Variants in TENM1 observed in about 807,000 individuals in gnomAD.
The protein encoded by TENM1 is teneurin-1.
Under a neutral mutation model 174.8 loss-of-function variants are expected in TENM1, and 35 were observed. The observed-to-expected ratio is 0.20, with a 90% CI of 0.15 to 0.27. The LOEUF (loss-of-function observed/expected upper bound fraction) is 0.27. TENM1 is among the 10% of genes least tolerant of loss of function. The pLI, the probability that TENM1 is intolerant of heterozygous loss-of-function variation, is 1.00. For missense variants in TENM1, 1,633 were observed against 2,130.1 expected, an observed-to-expected ratio of 0.77 and a Z score of 4.59; for synonymous variants, 781 against 798.7, an observed-to-expected ratio of 0.98 and a Z score of 0.37.
At position 124,783,725 on chromosome X, in the gene TENM1, T is replaced by A. The variant is rs2054972175; in HGVS notation, c.536-46528A>T. Among the ~76,000 whole-genome samples the A allele has an allele frequency of 2.7e-5, 3 of 111,743 alleles. 1 individual carries two copies. Among genetic ancestry groups the A allele is most frequent in the Non-Finnish European group, 3.8e-5 (2 of 53,056 alleles). ...ATTTCCAGTTTTTATTTATTTATTT[T>A]TTATTTTTTTAAACCAGAAGGTAGG... On this transcript the variant is annotated intron_variant, in intron 3 of 31. Coordinates refer to ENST00000422452, the Ensembl canonical transcript of TENM1.
At chrX:125,018,067 T>C in the TENM1 span, among the ~76,000 whole-genome samples, 1 of 111,925 alleles carries the variant, frequency 8.9e-6, no homozygotes, top group African/African-American at 3.2e-5. Flanking sequence ...ATTAGTTAAC[T>C]TTAAAATAGT....
rs1014946519 is a variant in TENM1 at position 124,742,210 on chromosome X, G to A, written c.536-5013C>T. 8.1e-5 allele frequency among the ~76,000 whole-genome samples: 9 copies of A among 111,300 alleles called. No homozygotes were observed. In the East Asian group the frequency reaches 2.3e-3, roughly 28 times the overall value. On this transcript the variant is annotated intron_variant, in intron 3 of 31. Transcript: ENST00000422452. ...TTCCCAAGGTTACTATGCAGTGTAC[G>A]TTGTCAAAAGGGGCACATATATTCC...
intron 11 of TENM1, among the ~76,000 whole-genome samples, chrX:124,592,938 A>G (rs1460743424): frequency 9.0e-6 from 1 of 111,047 alleles, no homozygotes; most frequent in East Asian, 2.8e-4. Context: ...CTTGTAGGTA[A>G]GAGCTAGCTA....
intron 28 of TENM1, among the ~76,000 whole-genome samples, chrX:124,391,569 C>T (rs1282360614): frequency 9.0e-6 from 1 of 111,601 alleles, no homozygotes; most frequent in African/African-American, 3.3e-5. Flanking sequence ...CCCACTACCA[C>T]CATTCCCGCA....
intron 18 of TENM1, among the ~76,000 whole-genome samples, chrX:124,518,152 G>C (rs2047758194): frequency 9.0e-6 from 1 of 111,002 alleles, no homozygotes; most frequent in Non-Finnish European, 1.9e-5. Context: ...AGGCAAGAGA[G>C]AGCATGGGGA....
chrX:124,876,242 T>G (rs1272425016), intron 3 of TENM1, among the ~76,000 whole-genome samples: 2 of 111,847 alleles, frequency 1.8e-5, no homozygotes, highest in African/African-American at 3.2e-5. Flanking sequence ...ACACATTTGT[T>G]AAATAAAATG....
At chrX:124,621,504 C>T (rs1657996611) in intron 11 of TENM1, among the ~76,000 whole-genome samples, 1 of 111,799 alleles carries the variant, frequency 8.9e-6, no homozygotes, top group Non-Finnish European at 1.9e-5. Flanking sequence ...AAAACTGGGA[C>T]CCAAGTCTAA....
intron 3 of TENM1, among the ~76,000 whole-genome samples, chrX:124,889,593 A>G (rs1337131520): frequency 9.0e-6 from 1 of 110,755 alleles, no homozygotes; most frequent in Non-Finnish European, 1.9e-5. Context: ...CCTGAGTCCA[A>G]TGGAGCATTC....
At chrX:124,983,468 T>C in the TENM1 span, among the ~76,000 whole-genome samples, 1 of 111,546 alleles carries the variant, frequency 9.0e-6, no homozygotes, top group Non-Finnish European at 1.9e-5. Context: ...TATAGACACA[T>C]TTCTTGAATC....
At chrX:124,728,195 A>G (rs984243217) in intron 4 of TENM1, among the ~76,000 whole-genome samples, 2 of 111,498 alleles carry the variant, frequency 1.8e-5, no homozygotes, top group Non-Finnish European at 1.9e-5. Context: ...AAACTCTAGT[A>G]TATCTAAGGA....
intron 22 of TENM1, among the ~76,000 whole-genome samples, chrX:124,458,205 G>A (rs2061131284): frequency 8.9e-6 from 1 of 112,099 alleles, no homozygotes; most frequent in Non-Finnish European, 1.9e-5. Context: ...AACTCTACTA[G>A]GCAGAAAAGT....
intron 3 of TENM1, among the ~76,000 whole-genome samples, chrX:124,787,322 A>G (rs2055061949): frequency 9.0e-6 from 1 of 111,694 alleles, no homozygotes; most frequent in Non-Finnish European, 1.9e-5. Flanking sequence ...ACCATATGGA[A>G]TTAACTCACT....
chrX:124,501,063 A>G (rs753695417), intron 19 of TENM1, among the ~76,000 whole-genome samples: 38 of 111,144 alleles, frequency 3.4e-4, no homozygotes, highest in Non-Finnish European at 6.2e-4. Flanking sequence ...AGTGCCCTAG[A>G]TTGTTCTTTT....
At chrX:125,114,783 G>A in the TENM1 span, among the ~76,000 whole-genome samples, 4 of 111,193 alleles carry the variant, frequency 3.6e-5, no homozygotes, top group African/African-American at 9.8e-5. Flanking sequence ...AGGACCAGAC[G>A]GATTCACAGC....
chrX:124,422,383 T>C (rs2060663595), exon 24 of TENM1: 1 of 1,211,373 alleles, frequency 8.3e-7, no homozygotes, highest in Non-Finnish European at 1.1e-6. Flanking sequence ...TTTACTTTCC[T>C]CTCGTCTGTT....
chrX:124,953,115 G>C (rs1352658732), intron 1 of TENM1, among the ~76,000 whole-genome samples: 1 of 112,047 alleles, frequency 8.9e-6, no homozygotes, highest in Non-Finnish European at 1.9e-5. Context: ...ACAGTTTGCT[G>C]ACAGGATGAT....
intron 3 of TENM1, among the ~76,000 whole-genome samples, chrX:124,879,288 T>C (rs2057263741): frequency 8.9e-6 from 1 of 112,139 alleles, no homozygotes; most frequent in Non-Finnish European, 1.9e-5. Context: ...CCATATCTCC[T>C]TCCCATCCTC....
chrX:125,195,607 A>G, the TENM1 span, among the ~76,000 whole-genome samples: 32 of 111,572 alleles, frequency 2.9e-4, no homozygotes, highest in African/African-American at 1.0e-3. Context: ...CCAAAAATAA[A>G]TGGTGTCACA....
chrX:124,526,794 T>C (rs1163986703), intron 16 of TENM1, among the ~76,000 whole-genome samples: 1 of 112,294 alleles, frequency 8.9e-6, no homozygotes, highest in Admixed American at 9.4e-5. Context: ...CATAAATGAA[T>C]AAACTTTTGC....
Sources: allele counts gnomAD v4.1 joint callset (sites outside exome capture counted in the v4.1 genomes callset), GRCh38; gene constraint gnomAD v4.1.1; transcripts MANE v1.5; gene names NCBI Gene and HGNC (gene_info 2026-07-23, HGNC 2026-07-21).